FBXO41: variants seen among roughly 807,000 people sequenced by gnomAD.
FBXO41 encodes F-box only protein 41.
A neutral mutation model predicts 81.6 loss-of-function variants in FBXO41; 33 were observed. The ratio of observed to expected loss-of-function variants is 0.40; its 90% confidence interval spans 0.31 to 0.54. The LOEUF is 0.54. Among genes scored for constraint, FBXO41 ranks in the 20% least tolerant of loss-of-function variants. FBXO41 has a pLI of 0.39. For synonymous variants in FBXO41, 576 were observed against 552.7 expected (o/e 1.04, Z -0.59); for missense variants, 1,107 against 1,236.0 (o/e 0.90, Z 1.56).
intron 1 of FBXO41, among the ~76,000 whole-genome samples, chr2:73,277,101 C>A (rs1357326450): frequency 2.6e-5 from 4 of 152,152 alleles, no homozygotes; most frequent in Non-Finnish European, 5.9e-5. Flanking sequence ...AGCCAGGCTG[C>A]CAGACAGCAG....
At position 73,260,693 on chromosome 2, in the gene FBXO41, A is replaced by C; in HGVS notation, c.2290+47T>G. On this transcript the variant is annotated intron_variant, in intron 10 of 12. Coordinates refer to ENST00000520530, the MANE Select transcript of FBXO41 (RefSeq NM_001371389.2). The surrounding 1 kb of genome is among the most constrained non-coding windows in gnomAD (Gnocchi z 5.0). ...GATTTCACAAGGCAGCACTGCACCC[A>C]TGCCTGCTTCCCACTACCCACCACC... 1.3e-6 allele frequency: 2 copies of C among 1,514,344 alleles called. No individual in the cohort carries two copies. The highest frequency in any genetic ancestry group is 8.9e-7 in the Non-Finnish European group (1 of 1,122,034). The allele number at this position is 1,514,344 out of a possible 1,614,324, so 93.8% of individuals were successfully genotyped here. A position where few individuals can be genotyped will look rare whatever the true frequency, so the allele number is the denominator to read the frequency against.
chr2:73,271,111 A>C (rs1688476960), intron 1 of FBXO41: 1 of 362,686 alleles, frequency 2.8e-6, no homozygotes, highest in Non-Finnish European at 5.5e-6. Flanking sequence ...GAAGGCAGTC[A>C]GCTTCCCTCA....
chr2:73,268,036 G>A (rs1032424894), intron 2 of FBXO41, among the ~76,000 whole-genome samples: 6 of 152,186 alleles, frequency 3.9e-5, no homozygotes, highest in Admixed American at 1.3e-4. Context: ...GAGAAATGAA[G>A]AAGATTGAGA....
At chr2:73,264,081 G>T (rs1454692390) in intron 6 of FBXO41, 28 bp from the exon 7 acceptor site, 4 of 1,567,266 alleles carry the variant, frequency 2.6e-6, no homozygotes, top group Non-Finnish European at 3.5e-6. Flanking sequence ...GACATTTGGA[G>T]ATGAAGGGGT....
chr2:73,269,849 G>T lies in FBXO41; in HGVS notation c.-138-81C>A. The T allele has an allele frequency of 4.8e-6, 1 of 206,490 alleles. No individual in the cohort carries two copies. The highest frequency in any genetic ancestry group is 9.4e-6 in the Non-Finnish European group (1 of 105,824). 12.8% of individuals were successfully genotyped at this position (206,490 alleles called of 1,614,324 possible). A position where few individuals can be genotyped will look rare whatever the true frequency, so the allele number is the denominator to read the frequency against. On this transcript the variant is annotated intron_variant, in intron 1 of 12. Coordinates refer to ENST00000520530, the MANE Select transcript of FBXO41 (RefSeq NM_001371389.2). This position sits in a 1 kb window ranked among gnomAD's most constrained non-coding sequence, Gnocchi z 7.0. The stretch of plus-strand genomic sequence containing the variant: ...CCCAGCCCGGAGCCCTCATCCCCCA[G>T]CCATGAGGAAATCAGCATTGAGGGG...
Position 73,284,424 on chromosome 2 carries a change from G to C in FBXO41, c.-403C>G, listed in dbSNP as rs1035466285. 6.6e-6 allele frequency: 1 copy of C among 152,614 alleles called. No individual in the cohort carries two copies. Among genetic ancestry groups the C allele is most frequent in the Non-Finnish European group, 1.5e-5 (1 of 68,216 alleles). 9.5% of individuals were successfully genotyped at this position (152,614 alleles called of 1,614,324 possible). On this transcript the variant is annotated 5_prime_UTR_variant, in exon 1 of 13. Transcript: ENST00000520530. This position sits in a 1 kb window ranked among gnomAD's most constrained non-coding sequence, Gnocchi z 7.4. ...AGGAGGAGGAGGAGGAGGGGGAGGA[G>C]GGGGCGCGCGGGCCGAGGAAAGCAA...
intron 2 of FBXO41, among the ~76,000 whole-genome samples, chr2:73,267,204 G>A (rs909968788): frequency 1.3e-5 from 2 of 152,056 alleles, no homozygotes; most frequent in African/African-American, 4.8e-5. Context: ...CACAGCCCCA[G>A]GCACAGCCTC....
Position 73,256,674 on chromosome 2 carries a change from C to T in FBXO41, c.*2308G>A, listed in dbSNP as rs1479566958. The T allele has an allele frequency of 6.6e-6, 1 of 152,258 alleles. No individual in the cohort carries two copies. Among genetic ancestry groups the T allele is most frequent in the African/African-American group, 2.4e-5 (1 of 41,448 alleles). 9.4% of individuals were successfully genotyped at this position (152,258 alleles called of 1,614,324 possible). The stretch of plus-strand genomic sequence containing the variant: ...AGGCAGAAGGGTATCTTGTTCACCC[C>T]TCTGCCTCTAGTGCAGGTGGTGCTC... On this transcript the variant is annotated 3_prime_UTR_variant, in exon 13 of 13. Coordinates refer to ENST00000520530, the MANE Select transcript of FBXO41 (RefSeq NM_001371389.2).
chr2:73,276,560 CAGAGAG>C (rs533998261), intron 1 of FBXO41, among the ~76,000 whole-genome samples: 2,668 of 106,416 alleles, frequency 0.025, 46 homozygotes, highest in African/African-American at 0.059. Flanking sequence ...CAAATCTATT[CAGAGAG>C]AGAGAGAGAG....
Position 73,268,930 on chromosome 2 carries a change from A to T in FBXO41, c.701T>A (p.Val234Glu). 1 of 1,540,474 alleles carries T rather than the reference A, an allele frequency of 6.5e-7. No individual in the cohort carries two copies. Among genetic ancestry groups the T allele is most frequent in the Non-Finnish European group, 8.7e-7 (1 of 1,146,318 alleles). ...EEVEQKIAGQ[V>E]GRLQAELERK... Reference sequence around the variant, plus strand: ...CTCCAGCTCGGCCTGCAGCCGGCCCACCTGGCCCGCGATCTTCTGCTCCAC... The same window carrying T: ...CTCCAGCTCGGCCTGCAGCCGGCCCTCCTGGCCCGCGATCTTCTGCTCCAC... Residue 234 changes from valine (V) to glutamate (E), a missense_variant, in exon 2 of 13, where the codon GTG (valine) becomes GAG (glutamate). Val to Glu is a moderately radical substitution (Grantham distance 121). Transcript: ENST00000520530.
rs1483324702 is a variant in FBXO41 at position 73,256,798 on chromosome 2, A to G, written c.*2184T>C. ...TCCCACCCTAGCTCACTACCCATAC[A>G]CCCCAACCTCCTTTCTAGGGCTAAT... On this transcript the variant is annotated 3_prime_UTR_variant, in exon 13 of 13. Coordinates refer to ENST00000520530, the MANE Select transcript of FBXO41 (RefSeq NM_001371389.2). 6.6e-6 allele frequency: 1 copy of G among 152,474 alleles called. No individual in the cohort carries two copies. The highest frequency in any genetic ancestry group is 1.9e-4 in the East Asian group (1 of 5,200). The allele number at this position is 152,474 out of a possible 1,614,324, so 9.4% of individuals were successfully genotyped here. A position where few individuals can be genotyped will look rare whatever the true frequency, so the allele number is the denominator to read the frequency against.
chr2:73,280,265 T>G (rs1688810936), intron 1 of FBXO41, among the ~76,000 whole-genome samples: 1 of 152,208 alleles, frequency 6.6e-6, no homozygotes, highest in East Asian at 1.9e-4. Context: ...CTTCCCCAGT[T>G]CAGACCTATA....
rs562022592 is a variant in FBXO41, at chr2:73,266,879, C to T, written c.906-197G>A. The T allele has an allele frequency of 1.4e-5, 11 of 789,274 alleles. No homozygotes were observed. In the South Asian group the frequency reaches 2.6e-4, roughly 19 times the overall value. 48.9% of individuals were successfully genotyped at this position (789,274 alleles called of 1,614,324 possible). A position where few individuals can be genotyped will look rare whatever the true frequency, so the allele number is the denominator to read the frequency against. On this transcript the variant is annotated intron_variant, in intron 2 of 12. Coordinates refer to ENST00000520530, the MANE Select transcript of FBXO41 (RefSeq NM_001371389.2). The surrounding 1 kb of genome is among the most constrained non-coding windows in gnomAD (Gnocchi z 5.3). ...CATACAGAAATGCATGCATGCACTC[C>T]GAGCCACACACTCACACCCCACCCA...
chr2:73,273,386 T>C (rs1316402518), intron 1 of FBXO41, among the ~76,000 whole-genome samples: 1 of 152,204 alleles, frequency 6.6e-6, no homozygotes. Context: ...CAGTGGACTT[T>C]TATTGTTTTT....
rs2103879269 is a variant in FBXO41, at chr2:73,266,505, T to C, written c.1083A>G (p.Gly361=). The change falls in exon 3 of 13, where the codon GGA becomes GGG. Residue 361 remains glycine, a synonymous_variant. Coordinates refer to ENST00000520530, the MANE Select transcript of FBXO41 (RefSeq NM_001371389.2). This position sits in a 1 kb window ranked among gnomAD's most constrained non-coding sequence, Gnocchi z 5.3. The part of the protein sequence containing the change: ...GSTPSASLGR[G]GGGGGAGPNA... ...TGGGTCCAGCACCACCGCCCCCACC[T>C]CCACGGCCCAGGCTGGCGCTGGGCG... 1.3e-6 allele frequency: 2 copies of C among 1,592,670 alleles called. No homozygotes were observed. Among genetic ancestry groups the C allele is most frequent in the Non-Finnish European group, 1.7e-6 (2 of 1,170,724 alleles).
intron 1 of FBXO41, among the ~76,000 whole-genome samples, chr2:73,277,665 C>G (rs1574392654): frequency 1.3e-5 from 2 of 150,616 alleles, no homozygotes; most frequent in African/African-American, 4.9e-5. Context: ...TTTTTTAAGG[C>G]TTACAGGTAT....
chr2:73,276,496 G>A (rs1688683993), intron 1 of FBXO41, among the ~76,000 whole-genome samples: 1 of 147,570 alleles, frequency 6.8e-6, no homozygotes, highest in Non-Finnish European at 1.5e-5. Flanking sequence ...GCCTTGAGAA[G>A]TAAATCCAAA....
Position 73,259,344 on chromosome 2 carries a change from A to G in FBXO41, c.2450-48T>C, listed in dbSNP as rs1457255590. 1 of 1,447,606 alleles carries G rather than the reference A, an allele frequency of 6.9e-7. No homozygotes were observed. The highest frequency in any genetic ancestry group is 1.1e-5 in the South Asian group (1 of 87,676). The allele number at this position is 1,447,606 out of a possible 1,614,324, so 89.7% of individuals were successfully genotyped here. A position where few individuals can be genotyped will look rare whatever the true frequency, so the allele number is the denominator to read the frequency against. On this transcript the variant is annotated intron_variant, in intron 11 of 12. Coordinates refer to ENST00000520530, the MANE Select transcript of FBXO41 (RefSeq NM_001371389.2). This position sits in a 1 kb window ranked among gnomAD's most constrained non-coding sequence, Gnocchi z 4.2. ...GGGGCGTGTTTGGCCTGGGCTGTGG[A>G]GCTGCCTCCTCTCCTCTCACTAATT...
chr2:73,278,354 T>A (rs1244043366), intron 1 of FBXO41, among the ~76,000 whole-genome samples: 1 of 152,204 alleles, frequency 6.6e-6, no homozygotes, highest in Non-Finnish European at 1.5e-5. Flanking sequence ...CAGGCTGAAT[T>A]TCTGTCCCTT....
Sources: gnomAD v4.1 joint callset for allele counts (sites outside exome capture counted in the v4.1 genomes callset) on GRCh38, gnomAD v4.1.1 for gene constraint, Gnocchi (gnomAD v3.1) non-coding constraint, MANE v1.5 for transcripts, NCBI Gene and HGNC (gene_info 2026-07-23, HGNC 2026-07-21) for gene names.